TOGARAM2: variants seen among roughly 807,000 people sequenced by gnomAD.
TOGARAM2 encodes the protein TOG array regulator of axonemal microtubules protein 2.
In TOGARAM2, 85 loss-of-function variants were observed where a neutral mutation model predicts 93.3. The observed-to-expected ratio is 0.91, with a 90% CI of 0.76 to 1.09. The LOEUF is 1.09. TOGARAM2 is among the 50% of genes least tolerant of loss of function. TOGARAM2 has a pLI of 0.00. For missense variants in TOGARAM2, 1,277 were observed against 1,334.5 expected (o/e 0.96, Z 0.67); for synonymous variants, 593 against 552.8 (o/e 1.07, Z -1.02).
chr2:29,017,133 T>A (rs370486868), intron 8 of TOGARAM2, 21 bp from the exon 9 acceptor site: 147 of 1,607,930 alleles, frequency 9.1e-5, no homozygotes, highest in Non-Finnish European at 1.2e-4. Context: ...GTTAATAGAG[T>A]TTGCCTTGAC....
At chr2:28,995,340 C>G (rs571090743) in intron 2 of TOGARAM2, among the ~76,000 whole-genome samples, 1 of 152,288 alleles carries the variant, frequency 6.6e-6, no homozygotes, top group South Asian at 2.1e-4. Flanking sequence ...CTCAGTTTCC[C>G]CTGGAAAGTG....
intron 14 of TOGARAM2, among the ~76,000 whole-genome samples, chr2:29,031,297 A>G (rs1260597076): frequency 6.6e-6 from 1 of 152,214 alleles, no homozygotes; most frequent in Non-Finnish European, 1.5e-5. Flanking sequence ...AGCCTCCCAA[A>G]TAGCTGAGAC....
intron 13 of TOGARAM2, among the ~76,000 whole-genome samples, chr2:29,024,753 G>A (rs1665234049): frequency 6.6e-6 from 1 of 152,186 alleles, no homozygotes; most frequent in South Asian, 2.1e-4. Flanking sequence ...CCGTGGCTGT[G>A]GGAGCGCCCC....
chr2:28,972,791 G>A (rs1023393793), intron 1 of TOGARAM2, among the ~76,000 whole-genome samples: 4 of 152,180 alleles, frequency 2.6e-5, no homozygotes, highest in African/African-American at 9.7e-5. Flanking sequence ...AGCTAGAAAG[G>A]TTCTTGGTAG....
intron 7 of TOGARAM2, among the ~76,000 whole-genome samples, chr2:29,012,754 A>C (rs1376149840): frequency 1.3e-5 from 2 of 152,230 alleles, no homozygotes; most frequent in African/African-American, 4.8e-5. Flanking sequence ...CTCTGTGTGC[A>C]ACATGCCTAG....
chr2:28,994,643 A>C, intron 1 of TOGARAM2, 82 bp from the exon 2 acceptor site: 1 of 531,654 alleles, frequency 1.9e-6, no homozygotes, highest in South Asian at 2.4e-5. Flanking sequence ...ATAATGCTTT[A>C]GCCCCTGAAG....
chr2:29,033,772 G>C (rs747548624), intron 16 of TOGARAM2, among the ~76,000 whole-genome samples: 1 of 152,186 alleles, frequency 6.6e-6, no homozygotes, highest in Non-Finnish European at 1.5e-5. Flanking sequence ...GGGCTTGGGA[G>C]CATCTGCCAG....
In TOGARAM2 at chr2:29,036,560, C is replaced by T. The variant is rs1417448906; in HGVS notation, c.2438C>T (p.Pro813Leu). 8 of 1,613,952 alleles carry T rather than the reference C, an allele frequency of 5.0e-6. No homozygotes were observed. The highest frequency in any genetic ancestry group is 1.6e-4 in the Middle Eastern group (1 of 6,062). ...HLVQVFDAFT[P>L]RLQDSNKKVN... ...CAATAGGTCTTTGATGCTTTCACCC[C>T]AAGGCTTCAGGATTCCAACAAGAAA... Residue 813 changes from proline (P) to leucine (L), a missense_variant, in exon 18 of 20, where the codon CCA becomes CTA. Coordinates refer to ENST00000379558, the MANE Select transcript of TOGARAM2 (RefSeq NM_199280.4).
At chr2:28,970,294 TA>T in intron 1 of TOGARAM2, among the ~76,000 whole-genome samples, 1 of 152,282 alleles carries the variant, frequency 6.6e-6, no homozygotes, top group African/African-American at 2.4e-5. Flanking sequence ...GCTACAGAAT[TA>T]GATAAGCTGG....
At chr2:29,003,191 G>A (rs1011224227) in intron 5 of TOGARAM2, among the ~76,000 whole-genome samples, 4 of 152,266 alleles carry the variant, frequency 2.6e-5, no homozygotes, top group South Asian at 4.1e-4. Context: ...CCCCTCTTTG[G>A]GCCCCAGTTT....
chr2:29,015,006 G>C (rs1031674672), intron 8 of TOGARAM2, among the ~76,000 whole-genome samples: 1 of 152,180 alleles, frequency 6.6e-6, no homozygotes, highest in African/African-American at 2.4e-5. Context: ...CCAGGGACTG[G>C]CGAATACCTC....
intron 1 of TOGARAM2, among the ~76,000 whole-genome samples, chr2:28,992,125 G>A (rs1272255534): frequency 6.6e-6 from 1 of 152,196 alleles, no homozygotes; most frequent in Non-Finnish European, 1.5e-5. Flanking sequence ...GGGGTCAGGT[G>A]CTCAGTGGTG....
chr2:28,978,345 A>G (rs1672067368), upstream of TOGARAM2, among the ~76,000 whole-genome samples: 1 of 152,128 alleles, frequency 6.6e-6, no homozygotes, highest in African/African-American at 2.4e-5. Flanking sequence ...CCCTCAGTGA[A>G]GTCCCTGCTA....
intron 6 of TOGARAM2, among the ~76,000 whole-genome samples, chr2:29,006,965 T>C (rs1296447711): frequency 6.6e-6 from 1 of 152,198 alleles, no homozygotes; most frequent in Non-Finnish European, 1.5e-5. Flanking sequence ...GAACCATGGA[T>C]GGCCCTTGAA....
At chr2:29,004,953 CATGTGTA>C (rs1558421088) in intron 6 of TOGARAM2, among the ~76,000 whole-genome samples, 1,566 of 114,738 alleles carry the variant, frequency 0.014, 23 homozygotes, top group Non-Finnish European at 0.022. Flanking sequence ...CATGTGTGTG[CATGTGTA>C]TGTGTGTGAG....
In TOGARAM2 at chr2:29,019,441, A is replaced by G. The variant is rs576986248; in HGVS notation, c.1360+1485A>G. On this transcript the variant is annotated intron_variant, in intron 10 of 19. Coordinates refer to ENST00000379558, the MANE Select transcript of TOGARAM2 (RefSeq NM_199280.4). Reference sequence around the variant, plus strand: ...CACCTCAGCCTCCCAAATTGCTGGGATTACAGGTGTGAGCCACCATGCCTG... The same window carrying G: ...CACCTCAGCCTCCCAAATTGCTGGGGTTACAGGTGTGAGCCACCATGCCTG... Among the ~76,000 whole-genome samples the G allele has an allele frequency of 1.2e-3, 186 of 152,228 alleles. 1 individual carries two copies. The highest frequency in any genetic ancestry group is 4.2e-3 in the African/African-American group (173 of 41,540).
Position 29,033,547 on chromosome 2 carries a change from C to T in TOGARAM2, c.2209C>T (p.Leu737=), listed in dbSNP as rs1665906092. 1 of 1,613,496 alleles carries T rather than the reference C, an allele frequency of 6.2e-7. No homozygotes were observed. Among genetic ancestry groups the T allele is most frequent in the Non-Finnish European group, 8.5e-7 (1 of 1,179,720 alleles). ...LRSLVVCENG[L]PIKEGLSCNG... ...GAGTCTGGTGGTGTGTGAGAACGGG[C>T]TGCCCATCAAGGAGGGGTATGGCTG... is the stretch of plus-strand genomic sequence containing the variant. The change falls in exon 16 of 20, where the codon CTG becomes TTG. Residue 737 remains leucine (L), a synonymous_variant. Transcript: ENST00000379558.
intron 19 of TOGARAM2, chr2:29,049,945 C>G (rs1446778363): frequency 6.6e-6 from 1 of 152,212 alleles, no homozygotes; most frequent in African/African-American, 2.4e-5. Context: ...GGCATCTTCC[C>G]TGGTTCCTCC....
At chr2:28,983,139 C>T (rs1672284311) in intron 1 of TOGARAM2, among the ~76,000 whole-genome samples, 1 of 147,794 alleles carries the variant, frequency 6.8e-6, no homozygotes, top group African/African-American at 2.5e-5. Context: ...AGGTGCACAC[C>T]ACCATGCCCG....
Sources: allele counts gnomAD v4.1 joint callset (sites outside exome capture counted in the v4.1 genomes callset), GRCh38; gene constraint gnomAD v4.1.1; transcripts MANE v1.5; gene names NCBI Gene and HGNC (gene_info 2026-07-23, HGNC 2026-07-21).